ADA: variants seen among roughly 807,000 people sequenced by gnomAD.
ADA encodes the protein adenosine aminohydrolase.
A neutral mutation model predicts 49.0 loss-of-function variants in ADA; 45 were observed. That is an observed-to-expected ratio of 0.92 (90% confidence interval 0.72 to 1.18). The LOEUF is 1.18. Ranked by LOEUF, ADA falls within the 50% of genes most tolerant of loss-of-function variation. ADA has a pLI of 0.00. For synonymous variants in ADA, 173 were observed against 184.2 expected, an observed-to-expected ratio of 0.94 and a Z score of 0.49; for missense variants, 445 against 472.5, an observed-to-expected ratio of 0.94 and a Z score of 0.54.
In ADA at chr20:44,619,779, A is replaced by C; in HGVS notation, c.*55T>G. The C allele has an allele frequency of 6.2e-7, 1 of 1,608,640 alleles. No individual in the cohort carries two copies. Among genetic ancestry groups the C allele is most frequent in the Non-Finnish European group, 8.5e-7 (1 of 1,175,040 alleles). ...AGGAATAAATGTAAAAATGTTGCTC[A>C]GCCCCACAGAGTTGGGGTGACTCCA... On this transcript the variant is annotated 3_prime_UTR_variant, in exon 12 of 12. Transcript: ENST00000372874.
chr20:44,636,117 A>C, intron 2 of ADA, 110 bp downstream of exon 2: 1 of 1,060,298 alleles, frequency 9.4e-7, no homozygotes, highest in Non-Finnish European at 1.4e-6. Flanking sequence ...CTTGATTCCC[A>C]CAGGGAGACA....
intron 1 of ADA, among the ~76,000 whole-genome samples, chr20:44,641,742 TATTTATTC>T (rs1202448135): frequency 6.6e-5 from 10 of 151,864 alleles, no homozygotes; most frequent in South Asian, 4.2e-4. Flanking sequence ...CTGGCTAAAG[TATTTATTC>T]ATTTATTTAT....
intron 2 of ADA, among the ~76,000 whole-genome samples, chr20:44,632,034 G>A (rs1055601741): frequency 2.0e-5 from 3 of 152,158 alleles, no homozygotes; most frequent in African/African-American, 7.2e-5. Flanking sequence ...AAATTATTTT[G>A]CTTTCTATTT....
Position 44,633,781 on chromosome 20 carries a change from C to T in ADA, c.95+2446G>A, listed in dbSNP as rs990010020. Reference sequence around the variant, plus strand: ...GAGGTTGGAGAGGCCCCTGAAAAGGCCAGAATCCTGGGAACTGGAGGAAGG... The same window carrying T: ...GAGGTTGGAGAGGCCCCTGAAAAGGTCAGAATCCTGGGAACTGGAGGAAGG... On this transcript the variant is annotated intron_variant, in intron 2 of 11. Transcript: ENST00000372874. Among the ~76,000 whole-genome samples the T allele has an allele frequency of 2.0e-5, 3 of 152,306 alleles. No individual in the cohort carries two copies. The South Asian group carries it at 6.2e-4, about 32-fold the overall frequency.
At chr20:44,643,870 C>T (rs1452663703) in intron 1 of ADA, among the ~76,000 whole-genome samples, 3 of 152,150 alleles carry the variant, frequency 2.0e-5, no homozygotes, top group Non-Finnish European at 1.5e-5. Flanking sequence ...TGCCAGGCAC[C>T]GTGGAGGCCC....
At chr20:44,641,321 T>C (rs566147542) in intron 1 of ADA, among the ~76,000 whole-genome samples, 4 of 152,044 alleles carry the variant, frequency 2.6e-5, no homozygotes, top group South Asian at 2.1e-4. Flanking sequence ...ACCACTGCCG[T>C]AGAGGAACCG....
chr20:44,643,716 C>T (rs569249948), intron 1 of ADA, among the ~76,000 whole-genome samples: 6 of 152,216 alleles, frequency 3.9e-5, no homozygotes, highest in South Asian at 2.1e-4. Flanking sequence ...GGGAATCTCA[C>T]GCCCCTTCCC....
intron 4 of ADA, chr20:44,626,185 C>T: frequency 1.8e-6 from 1 of 552,956 alleles, no homozygotes; most frequent in South Asian, 2.0e-5. Flanking sequence ...GGTGGCTAAG[C>T]AGGTTAACAT....
chr20:44,625,810 C>T (rs914115618), intron 4 of ADA, 126 bp from the exon 5 acceptor site: 1 of 764,006 alleles, frequency 1.3e-6, no homozygotes, highest in South Asian at 1.6e-5. Flanking sequence ...TGACCCACTG[C>T]CTCAGAGGAA....
chr20:44,620,201 C>T lies in ADA; in HGVS notation c.1078+98G>A, dbSNP rs558714620. 35 of 1,084,150 alleles carry T rather than the reference C, an allele frequency of 3.2e-5. No individual in the cohort carries two copies. The South Asian group carries it at 4.1e-4, about 13-fold the overall frequency. 67.2% of individuals were successfully genotyped at this position (1,084,150 alleles called of 1,614,324 possible). A position where few individuals can be genotyped will look rare whatever the true frequency, so the allele number is the denominator to read the frequency against. On this transcript the variant is annotated intron_variant, in intron 11 of 11. Transcript: ENST00000372874. The stretch of plus-strand genomic sequence containing the variant: ...AGGGAGTCATCACACATTCATGGCG[C>T]TGCCCAAGAATGGAAGGGCATCTTG...
chr20:44,642,557 G>C (rs1467413883), intron 1 of ADA, among the ~76,000 whole-genome samples: 3 of 152,190 alleles, frequency 2.0e-5, no homozygotes, highest in African/African-American at 7.2e-5. Flanking sequence ...GAGTTGGCCA[G>C]AGTGCAGAGT....
chr20:44,635,149 A>G lies in ADA; in HGVS notation c.95+1078T>C, dbSNP rs536794175. ...TCCCTGCCCTTAAAAGCTGGTCCTA[A>G]GAGAGGAGCTGCTGTGAGCCCTTGA... is the stretch of plus-strand genomic sequence containing the variant. On this transcript the variant is annotated intron_variant, in intron 2 of 11. Transcript: ENST00000372874. 3.3e-5 allele frequency among the ~76,000 whole-genome samples: 5 copies of G among 152,338 alleles called. No homozygotes were observed. In the South Asian group the frequency reaches 1.0e-3, roughly 32 times the overall value.
intron 2 of ADA, among the ~76,000 whole-genome samples, chr20:44,630,382 A>G (rs976414421): frequency 2.0e-5 from 3 of 152,044 alleles, no homozygotes; most frequent in African/African-American, 4.8e-5. Flanking sequence ...TGCTTCTAAC[A>G]TGAGGGACAA....
chr20:44,639,397 T>C (rs1159107272), intron 1 of ADA, among the ~76,000 whole-genome samples: 1 of 152,040 alleles, frequency 6.6e-6, no homozygotes, highest in Non-Finnish European at 1.5e-5. Context: ...TTAGTTATGT[T>C]ACACTAGAGA....
intron 5 of ADA, among the ~76,000 whole-genome samples, chr20:44,624,689 C>T (rs567985036): frequency 1.3e-5 from 2 of 152,200 alleles, no homozygotes; most frequent in Non-Finnish European, 2.9e-5. Flanking sequence ...TATTCCCATG[C>T]GCAGATGAGG....
intron 2 of ADA, 136 bp downstream of exon 2, chr20:44,636,091 T>G: frequency 3.5e-6 from 3 of 848,254 alleles, no homozygotes; most frequent in Non-Finnish European, 5.9e-6. Context: ...CAGTCCCACT[T>G]CTGGCCTGGA....
rs560933832 is a variant in ADA, at chr20:44,619,797, T to TG, written c.*36dup. On this transcript the variant is annotated 3_prime_UTR_variant, in exon 12 of 12. Coordinates refer to ENST00000372874, the MANE Select transcript of ADA (RefSeq NM_000022.4). ...GTTGCTCAGCCCCACAGAGTTGGGG[T>TG]GACTCCACAGGGTGAAGGCTTGGAG... 1.4e-4 allele frequency: 220 copies of TG among 1,613,852 alleles called. No individual in the cohort carries two copies. The highest frequency in any genetic ancestry group is 1.7e-4 in the Non-Finnish European group (195 of 1,179,874).
chr20:44,629,032 T>C lies in ADA; in HGVS notation c.218+15A>G, dbSNP rs1246835132. 3.7e-6 allele frequency: 6 copies of C among 1,614,042 alleles called. No homozygotes were observed. Among genetic ancestry groups the C allele is most frequent in the Non-Finnish European group, 5.1e-6 (6 of 1,180,008 alleles). On this transcript the variant is annotated intron_variant, in intron 3 of 11. Transcript: ENST00000372874. ...TCAATGCTGCCCTAGGACCTGTGGGTTGGGGGCAACTCACGCGATAGCAGG... is the reference window on the plus strand; with the variant it reads ...TCAATGCTGCCCTAGGACCTGTGGGCTGGGGGCAACTCACGCGATAGCAGG...
chr20:44,624,980 A>T (rs2065368466), intron 5 of ADA, among the ~76,000 whole-genome samples: 1 of 152,214 alleles, frequency 6.6e-6, no homozygotes, highest in South Asian at 2.1e-4. Context: ...ATTAGAGGAA[A>T]TGCGTGCAGG....
Sources: allele counts gnomAD v4.1 joint callset (sites outside exome capture counted in the v4.1 genomes callset), GRCh38; gene constraint gnomAD v4.1.1; transcripts MANE v1.5; gene names NCBI Gene and HGNC (gene_info 2026-07-23, HGNC 2026-07-21).